The following SERINC5 variants were observed in gnomAD, a reference collection of about 807,000 sequenced individuals.
SERINC5 encodes serine incorporator 5, also known as chromosome 5 open reading frame 12.
Under a neutral mutation model 63.1 loss-of-function variants are expected in SERINC5, and 41 were observed. The observed-to-expected ratio is 0.65, with a 90% CI of 0.51 to 0.84. The LOEUF (loss-of-function observed/expected upper bound fraction) is 0.84. SERINC5 is among the 40% of genes least tolerant of loss of function. The pLI is 0.00. For synonymous variants in SERINC5, 222 were observed against 215.2 expected (o/e 1.03, Z -0.28); for missense variants, 523 against 573.0 (o/e 0.91, Z 0.89).
intron 1 of SERINC5, among the ~76,000 whole-genome samples, chr5:80,239,432 A>G (rs13186656): frequency 0.14 from 20,622 of 147,112 alleles, 1,695 homozygotes; most frequent in Admixed American, 0.19. Context: ...CATGCCCCCA[A>G]TTTTCAGTTT....
chr5:80,171,627 AGAG>A (rs1747663388), intron 5 of SERINC5, among the ~76,000 whole-genome samples: 1 of 152,206 alleles, frequency 6.6e-6, no homozygotes, highest in African/African-American at 2.4e-5. Flanking sequence ...CAAAACAGCT[AGAG>A]GAGAGGCTTT....
At chr5:80,132,601 T>C (rs1415007044) in intron 11 of SERINC5, among the ~76,000 whole-genome samples, 1 of 111,244 alleles carries the variant, frequency 9.0e-6, no homozygotes, top group African/African-American at 3.0e-5. Flanking sequence ...CCTTAGTTCT[T>C]TTTTTTTTTA....
intron 2 of SERINC5, among the ~76,000 whole-genome samples, chr5:80,191,058 T>C (rs1434702499): frequency 1.3e-5 from 2 of 152,066 alleles, no homozygotes; most frequent in East Asian, 1.9e-4. Context: ...TGAAGCCACT[T>C]GTACTAAGTG....
chr5:80,230,793 CTT>C (rs762920736), intron 1 of SERINC5, among the ~76,000 whole-genome samples: 8 of 147,636 alleles, frequency 5.4e-5, no homozygotes, highest in Admixed American at 1.3e-4. Flanking sequence ...TTCTTTCTTT[CTT>C]TCTCTCTCTC....
chr5:80,237,303 G>A (rs1341132080), intron 1 of SERINC5, among the ~76,000 whole-genome samples: 1 of 152,004 alleles, frequency 6.6e-6, no homozygotes, highest in Non-Finnish European at 1.5e-5. Flanking sequence ...ATCAAAAAAG[G>A]AGAATGAAAT....
rs192996970 is a variant in SERINC5 at position 80,199,876 on chromosome 5, A to G, written c.195+3010T>C. 1.1e-4 allele frequency among the ~76,000 whole-genome samples: 16 copies of G among 152,338 alleles called. No individual in the cohort carries two copies. In the East Asian group the frequency reaches 3.1e-3, roughly 29 times the overall value. ...TCAAGCCACCTTAATGGATTTAGAA[A>G]TTCAAGCTTGTTGAATTTACAAAGA... On this transcript the variant is annotated intron_variant, in intron 2 of 11. Coordinates refer to ENST00000507668, the MANE Select transcript of SERINC5 (RefSeq NM_001174072.3).
At chr5:80,250,700 GGTGT>G (rs776738286) in intron 1 of SERINC5, among the ~76,000 whole-genome samples, 1 of 152,138 alleles carries the variant, frequency 6.6e-6, no homozygotes, top group Non-Finnish European at 1.5e-5. Flanking sequence ...TGTGTATGTG[GGTGT>G]GTGTTTTAAG....
At chr5:80,197,086 C>T (rs111671292) in intron 2 of SERINC5, among the ~76,000 whole-genome samples, 179 of 152,142 alleles carry the variant, frequency 1.2e-3, no homozygotes, top group Non-Finnish European at 2.3e-3. Context: ...CGGTGGCTCA[C>T]GCCTGTAATC....
intron 1 of SERINC5, among the ~76,000 whole-genome samples, chr5:80,205,972 G>A (rs1488992477): frequency 2.6e-5 from 2 of 77,994 alleles, no homozygotes; most frequent in Non-Finnish European, 5.2e-5. Context: ...GTGTGGTGGT[G>A]CACAAAAAAA....
At chr5:80,183,320 A>G (rs1273521098) in intron 2 of SERINC5, among the ~76,000 whole-genome samples, 13 of 152,276 alleles carry the variant, frequency 8.5e-5, no homozygotes. Context: ...GAGGACAGAC[A>G]GCAGAAGTGA....
intron 11 of SERINC5, among the ~76,000 whole-genome samples, chr5:80,128,066 TCTTTA>T (rs1237615878): frequency 2.0e-5 from 3 of 152,226 alleles, no homozygotes; most frequent in Non-Finnish European, 2.9e-5. Context: ...TGAATCAGTC[TCTTTA>T]CTTACCTTAA....
At chr5:80,182,193 GT>G (rs1748474375) in intron 2 of SERINC5, among the ~76,000 whole-genome samples, 1 of 152,094 alleles carries the variant, frequency 6.6e-6, no homozygotes, top group Admixed American at 6.6e-5. Context: ...AATAGCATCA[GT>G]TAAGTCCAAC....
chr5:80,117,166 A>T, intron 11 of SERINC5, among the ~76,000 whole-genome samples: 1 of 152,062 alleles, frequency 6.6e-6, no homozygotes, highest in East Asian at 1.9e-4. Context: ...ATGCAGAAGA[A>T]CAAACTAACA....
At chr5:80,194,044 C>A (rs1369208837) in intron 2 of SERINC5, among the ~76,000 whole-genome samples, 1 of 152,146 alleles carries the variant, frequency 6.6e-6, no homozygotes, top group African/African-American at 2.4e-5. Flanking sequence ...TGGTCCCAAC[C>A]CACTTTTAAT....
At chr5:80,148,003 C>CAATAGGTAACA (rs1745929568) in intron 9 of SERINC5, among the ~76,000 whole-genome samples, 1 of 151,908 alleles carries the variant, frequency 6.6e-6, no homozygotes, top group Non-Finnish European at 1.5e-5. Context: ...CCATGATTCA[C>CAATAGGTAACA]AATAGGTAAC....
chr5:80,143,299 C>T lies in SERINC5; in HGVS notation c.*364G>A, dbSNP rs1239485212. Reference sequence around the variant, plus strand: ...AAGATTTTGGCATGTTTTTCTATTCCGAGGATGAGAATGACTGGCCCCACA... The same window carrying T: ...AAGATTTTGGCATGTTTTTCTATTCTGAGGATGAGAATGACTGGCCCCACA... On this transcript the variant is annotated 3_prime_UTR_variant, in exon 12 of 12. Transcript: ENST00000507668. 59 of 1,008,406 alleles carry T rather than the reference C, an allele frequency of 5.9e-5. No individual in the cohort carries two copies. Among genetic ancestry groups the T allele is most frequent in the East Asian group, 9.9e-5 (1 of 10,068 alleles). The allele number at this position is 1,008,406 out of a possible 1,614,324, so 62.5% of individuals were successfully genotyped here. A position where few individuals can be genotyped will look rare whatever the true frequency, so the allele number is the denominator to read the frequency against.
chr5:80,228,548 T>C (rs905530168), intron 1 of SERINC5, among the ~76,000 whole-genome samples: 1 of 152,086 alleles, frequency 6.6e-6, no homozygotes, highest in African/African-American at 2.4e-5. Flanking sequence ...CTTGAACTCC[T>C]TGCCTCAAAT....
intron 8 of SERINC5, among the ~76,000 whole-genome samples, chr5:80,154,456 G>A (rs947971195): frequency 6.6e-6 from 1 of 152,000 alleles, no homozygotes; most frequent in Non-Finnish European, 1.5e-5. Context: ...TGGGATTACA[G>A]GCGTGAGCCA....
At chr5:80,195,124 T>G (rs1219392792) in intron 2 of SERINC5, among the ~76,000 whole-genome samples, 1 of 151,994 alleles carries the variant, frequency 6.6e-6, no homozygotes, top group Non-Finnish European at 1.5e-5. Flanking sequence ...CTTTCTCTAC[T>G]AAAAATACAA....
Sources: allele counts gnomAD v4.1 joint callset (sites outside exome capture counted in the v4.1 genomes callset), GRCh38; gene constraint gnomAD v4.1.1; transcripts MANE v1.5; gene names NCBI Gene and HGNC (gene_info 2026-07-23, HGNC 2026-07-21).